OTUD7A: variants seen among roughly 807,000 people sequenced by gnomAD.
OTUD7A encodes OTU domain-containing protein 7A.
In OTUD7A, 12 loss-of-function variants were observed where a neutral mutation model predicts 65.7. The ratio of observed to expected loss-of-function variants is 0.18; its 90% confidence interval spans 0.12 to 0.30. The LOEUF (loss-of-function observed/expected upper bound fraction) is 0.30, where lower values mean the gene tolerates loss of function less well. Ranked by LOEUF, OTUD7A falls within the 10% of genes least tolerant of loss-of-function variation. The pLI is 1.00. For missense variants in OTUD7A, 1,148 were observed against 1,304.8 expected (o/e 0.88, Z 1.85); for synonymous variants, 641 against 586.3 (o/e 1.09, Z -1.35).
At chr15:31,523,396 T>G (rs1359998473) in intron 8 of OTUD7A, among the ~76,000 whole-genome samples, 1 of 152,218 alleles carries the variant, frequency 6.6e-6, no homozygotes, top group Non-Finnish European at 1.5e-5. Flanking sequence ...GTGCTTTTTT[T>G]GGGTCTTCAG....
At chr15:31,529,475 G>A (rs1023678944) in intron 6 of OTUD7A, among the ~76,000 whole-genome samples, 2 of 152,164 alleles carry the variant, frequency 1.3e-5, no homozygotes, top group African/African-American at 2.4e-5. Flanking sequence ...AAGAGTGGCC[G>A]CCGCTGGGTG....
chr15:31,863,213 T>G (rs1897790115), intron 1 of OTUD7A, among the ~76,000 whole-genome samples: 1 of 152,132 alleles, frequency 6.6e-6, no homozygotes, highest in Non-Finnish European at 1.5e-5. Context: ...TGGTGTTGAG[T>G]GTCTATGGCT....
At chr15:31,493,254 AG>A (rs1233194280) in intron 10 of OTUD7A, among the ~76,000 whole-genome samples, 1 of 152,238 alleles carries the variant, frequency 6.6e-6, no homozygotes, top group African/African-American at 2.4e-5. Flanking sequence ...TTTATGTCAA[AG>A]TAGGCTCCAC....
intron 1 of OTUD7A, among the ~76,000 whole-genome samples, chr15:31,660,929 C>T (rs1254708050): frequency 1.3e-5 from 2 of 152,214 alleles, no homozygotes; most frequent in East Asian, 1.9e-4. Context: ...ACCTGAGGCT[C>T]GGAGAAGGCA....
chr15:31,793,307 C>G (rs1325998107), intron 1 of OTUD7A, among the ~76,000 whole-genome samples: 1 of 152,110 alleles, frequency 6.6e-6, no homozygotes, highest in Admixed American at 6.5e-5. Context: ...TATCTGACCC[C>G]AGGTGAAGGA....
At chr15:31,753,394 C>A (rs936725002) in intron 1 of OTUD7A, among the ~76,000 whole-genome samples, 1 of 151,810 alleles carries the variant, frequency 6.6e-6, no homozygotes, top group African/African-American at 2.4e-5. Context: ...TTTTGGTGCA[C>A]CCATCACCCA....
chr15:31,598,757 C>A (rs1035210295), intron 3 of OTUD7A, among the ~76,000 whole-genome samples: 2 of 152,188 alleles, frequency 1.3e-5, no homozygotes, highest in Non-Finnish European at 2.9e-5. Flanking sequence ...GATGCACTGG[C>A]TTGAAATTCT....
In OTUD7A at chr15:31,607,754, C is replaced by T. The variant is rs564105886; in HGVS notation, c.152-37557G>A. Among the ~76,000 whole-genome samples, 23 of 152,232 alleles carry T rather than the reference C, an allele frequency of 1.5e-4. No individual in the cohort carries two copies. The South Asian group carries it at 3.9e-3, about 26-fold the overall frequency. On this transcript the variant is annotated intron_variant, in intron 3 of 12. Coordinates refer to ENST00000307050, the MANE Select transcript of OTUD7A (RefSeq NM_001382637.1). ...GTACTGAGTGCAGTAACATGCTGTA[C>T]AGGTTTGTAGCCTAGGAACAGTAGG...
At chr15:31,597,856 G>A (rs981634753) in intron 3 of OTUD7A, among the ~76,000 whole-genome samples, 23 of 152,244 alleles carry the variant, frequency 1.5e-4, no homozygotes, top group Non-Finnish European at 1.9e-4. Flanking sequence ...TAGAGCCTGG[G>A]CTGTGGACCC....
intron 1 of OTUD7A, among the ~76,000 whole-genome samples, chr15:31,840,354 T>C (rs1300847152): frequency 6.6e-6 from 1 of 152,036 alleles, no homozygotes; most frequent in Non-Finnish European, 1.5e-5. Flanking sequence ...ACGAGAATCA[T>C]TTGAACCCGG....
intron 10 of OTUD7A, among the ~76,000 whole-genome samples, chr15:31,501,459 C>T (rs1358383699): frequency 6.6e-6 from 1 of 151,992 alleles, no homozygotes; most frequent in Non-Finnish European, 1.5e-5. Context: ...GGGTAGGTTG[C>T]CTTTGTTTAG....
In OTUD7A at chr15:31,498,256, T is replaced by C. The variant is rs368348943; in HGVS notation, c.1171+3434A>G. On this transcript the variant is annotated intron_variant, in intron 10 of 12. Transcript: ENST00000307050. The surrounding 1 kb of genome is among the most constrained non-coding windows in gnomAD (Gnocchi z 4.2). ...TGGGTGCCAGGATCTGATTGCTTCA[T>C]TGAGTTTTGCAGTATGGCTGTGTGA... 7.9e-5 allele frequency among the ~76,000 whole-genome samples: 12 copies of C among 152,202 alleles called. No homozygotes were observed. The highest frequency in any genetic ancestry group is 3.9e-4 in the Admixed American group (6 of 15,286).
intron 1 of OTUD7A, among the ~76,000 whole-genome samples, chr15:31,686,612 T>G (rs1892842922): frequency 6.6e-6 from 1 of 152,168 alleles, no homozygotes; most frequent in Non-Finnish European, 1.5e-5. Context: ...TCCTGGCATG[T>G]AAACAGCTGG....
intron 1 of OTUD7A, among the ~76,000 whole-genome samples, chr15:31,755,868 A>G (rs569476925): frequency 9.9e-4 from 148 of 148,974 alleles, no homozygotes; most frequent in African/African-American, 3.4e-3. Flanking sequence ...AGGTCTGTTA[A>G]CAGACTGGCA....
At chr15:31,539,613 A>C (rs967161106) in intron 5 of OTUD7A, among the ~76,000 whole-genome samples, 1 of 152,226 alleles carries the variant, frequency 6.6e-6, no homozygotes, top group Non-Finnish European at 1.5e-5. Flanking sequence ...CTTTGGGGCC[A>C]ATTGGGAAAA....
chr15:31,532,710 G>A (rs1490254809), intron 5 of OTUD7A, among the ~76,000 whole-genome samples: 2 of 151,950 alleles, frequency 1.3e-5, no homozygotes, highest in African/African-American at 2.4e-5. Flanking sequence ...GGCGGATCAC[G>A]AGGTCAGGAG....
In OTUD7A at chr15:31,735,037, TCAAA is replaced by T. The variant is rs1894148520; in HGVS notation, c.-99-77964_-99-77961del. Among the ~76,000 whole-genome samples, 3 of 102,038 alleles carry T rather than the reference TCAAA, an allele frequency of 2.9e-5. No individual in the cohort carries two copies. The South Asian group carries it at 1.3e-3, about 45-fold the overall frequency. 66.9% of individuals were successfully genotyped at this position (102,038 alleles called of 152,430 possible). ...GTAATATCCAGTATCTATAAGGAACTCAAACAAATTTACAAGAAAAAAACCCCAC... is the reference window on the plus strand; with the variant it reads ...GTAATATCCAGTATCTATAAGGAACTCAAATTTACAAGAAAAAAACCCCAC... On this transcript the variant is annotated intron_variant, in intron 1 of 12. Coordinates refer to ENST00000307050, the MANE Select transcript of OTUD7A (RefSeq NM_001382637.1).
At chr15:31,761,222 G>A (rs1894954586) in intron 1 of OTUD7A, among the ~76,000 whole-genome samples, 2 of 152,024 alleles carry the variant, frequency 1.3e-5, no homozygotes, top group South Asian at 4.2e-4. Context: ...TTTTCTCAAA[G>A]AACACTATCA....
rs187000939 is a variant in OTUD7A, at chr15:31,633,073, G to A, written c.151+22023C>T. Reference sequence around the variant, plus strand: ...AATTCCCTGACCCCTTGAGCTTCCCGAGTGAGGCAATGCCTTGCCCTGCTT... The same window carrying A: ...AATTCCCTGACCCCTTGAGCTTCCCAAGTGAGGCAATGCCTTGCCCTGCTT... On this transcript the variant is annotated intron_variant, in intron 3 of 12. Transcript: ENST00000307050. Among the ~76,000 whole-genome samples the A allele has an allele frequency of 1.0e-3, 159 of 152,304 alleles. 4 individuals carry two copies. The highest frequency in any genetic ancestry group is 3.6e-3 in the African/African-American group (150 of 41,562).
Sources: gnomAD v4.1 joint callset for allele counts (sites outside exome capture counted in the v4.1 genomes callset) on GRCh38, gnomAD v4.1.1 for gene constraint, Gnocchi (gnomAD v3.1) non-coding constraint, MANE v1.5 for transcripts, NCBI Gene and HGNC (gene_info 2026-07-23, HGNC 2026-07-21) for gene names.